Variants in EPHA3 observed in about 807,000 individuals in gnomAD.
The protein encoded by EPHA3 is EPH receptor A3, also known as ephrin type-A receptor 3.
Under a neutral mutation model 107.1 loss-of-function variants are expected in EPHA3, and 42 were observed. The ratio of observed to expected loss-of-function variants is 0.39; its 90% CI spans 0.31 to 0.51. The LOEUF (loss-of-function observed/expected upper bound fraction) is 0.51, where lower values mean the gene tolerates loss of function less well. Among genes scored for constraint, EPHA3 ranks in the 20% least tolerant of loss-of-function variants. The pLI is 0.78. For synonymous variants in EPHA3, 461 were observed against 424.8 expected, an observed-to-expected ratio of 1.09 and a Z score of -1.05; for missense variants, 1,183 against 1,211.2, an observed-to-expected ratio of 0.98 and a Z score of 0.35.
rs1707778427 is a variant in EPHA3 at position 89,350,291 on chromosome 3, T to A, written c.1306+8201T>A. On this transcript the variant is annotated intron_variant, in intron 5 of 16. Transcript: ENST00000336596. The stretch of plus-strand genomic sequence containing the variant: ...GATTTGGTCTTTTCACATAGTCCCA[T>A]ATTTCTTGGAGGCTTTGCTCATTTC... Among the ~76,000 whole-genome samples, 2 of 149,882 alleles carry A rather than the reference T, an allele frequency of 1.3e-5. 1 individual carries two copies. Among genetic ancestry groups the A allele is most frequent in the Admixed American group, 1.3e-4 (2 of 15,046 alleles).
At chr3:89,239,855 C>A (rs1704853480) in intron 3 of EPHA3, among the ~76,000 whole-genome samples, 2 of 152,132 alleles carry the variant, frequency 1.3e-5, no homozygotes, top group South Asian at 4.1e-4. Flanking sequence ...GTCTCACTGG[C>A]TGACTTGATT....
chr3:89,260,855 C>T (rs548364275), intron 3 of EPHA3, among the ~76,000 whole-genome samples: 1 of 152,212 alleles, frequency 6.6e-6, no homozygotes, highest in African/African-American at 2.4e-5. Context: ...TGAATGGCTG[C>T]TTTTTCCCAT....
intron 7 of EPHA3, among the ~76,000 whole-genome samples, chr3:89,400,820 G>T (rs767964863): frequency 2.0e-5 from 3 of 152,068 alleles, no homozygotes; most frequent in Non-Finnish European, 4.4e-5. Context: ...AAAGGAAAAA[G>T]GATATATATC....
intron 2 of EPHA3, among the ~76,000 whole-genome samples, chr3:89,140,612 C>A (rs1704411895): frequency 6.6e-6 from 1 of 151,744 alleles, no homozygotes; most frequent in Non-Finnish European, 1.5e-5. Flanking sequence ...TAGTGATTAT[C>A]TCTTGGAAAA....
At chr3:89,305,337 T>C (rs1252550555) in intron 3 of EPHA3, among the ~76,000 whole-genome samples, 1 of 152,200 alleles carries the variant, frequency 6.6e-6, no homozygotes, top group Admixed American at 6.6e-5. Context: ...TTATTTTGCA[T>C]GGCAAATCAT....
chr3:89,394,954 T>C (rs1708818373), intron 5 of EPHA3, among the ~76,000 whole-genome samples: 1 of 152,192 alleles, frequency 6.6e-6, no homozygotes, highest in Non-Finnish European at 1.5e-5. Flanking sequence ...AGTACTTTGA[T>C]GATAGTATGC....
chr3:89,210,450 C>A lies in EPHA3; in HGVS notation c.744C>A (p.Gly248=), dbSNP rs150099876. The A allele has an allele frequency of 3.7e-6, 6 of 1,608,902 alleles. No individual in the cohort carries two copies. Among genetic ancestry groups the A allele is most frequent in the Admixed American group, 1.7e-5 (1 of 59,296 alleles). Residue 248 remains glycine, a synonymous_variant, in exon 3 of 17, where the codon GGC becomes GGA. Coordinates refer to ENST00000336596, the MANE Select transcript of EPHA3 (RefSeq NM_005233.6). ...DPPRMYCSTE[G]EWLVPIGKCS... ...CAAGGATGTACTGCAGTACAGAAGGCGAATGGCTTGTACCCATTGGCAAGT... is the reference window on the plus strand; with the variant it reads ...CAAGGATGTACTGCAGTACAGAAGGAGAATGGCTTGTACCCATTGGCAAGT...
chr3:89,107,721 T>C lies in EPHA3; in HGVS notation c.-28T>C, dbSNP rs1370698714. On this transcript the variant is annotated 5_prime_UTR_variant, in exon 1 of 17. Coordinates refer to ENST00000336596, the MANE Select transcript of EPHA3 (RefSeq NM_005233.6). ...AGTGGCATGCTTCATGGAGATATGCTCCTCTCACTGCCCTCTGCACCAGCA... is the reference window on the plus strand; with the variant it reads ...AGTGGCATGCTTCATGGAGATATGCCCCTCTCACTGCCCTCTGCACCAGCA... The C allele has an allele frequency of 6.3e-7, 1 of 1,599,366 alleles. No individual in the cohort carries two copies. The highest frequency in any genetic ancestry group is 1.7e-5 in the Admixed American group (1 of 59,998).
intron 3 of EPHA3, among the ~76,000 whole-genome samples, chr3:89,339,547 C>T (rs1707470300): frequency 1.3e-5 from 2 of 152,132 alleles, no homozygotes; most frequent in South Asian, 4.2e-4. Context: ...TTAATGATTG[C>T]TATCATTTTA....
chr3:89,208,430 GA>G lies in EPHA3; in HGVS notation c.154-1427del, dbSNP rs1559600807. Among the ~76,000 whole-genome samples, 348 of 88,790 alleles carry G rather than the reference GA, an allele frequency of 3.9e-3. 3 individuals carry two copies. Among genetic ancestry groups the G allele is most frequent in the East Asian group, 0.016 (46 of 2,874 alleles). The allele number at this position is 88,790 out of a possible 152,430, so 58.2% of individuals were successfully genotyped here. A position where few individuals can be genotyped will look rare whatever the true frequency, so the allele number is the denominator to read the frequency against. ...AGGAAGGAAGGAAGGAAGGAAGAAA[GA>G]AAGAAAGAAAGAAAGAAAGAAAGAA... is the stretch of plus-strand genomic sequence containing the variant. On this transcript the variant is annotated intron_variant, in intron 2 of 16. Coordinates refer to ENST00000336596, the MANE Select transcript of EPHA3 (RefSeq NM_005233.6).
Position 89,435,628 on chromosome 3 carries a change from A to C in EPHA3, c.2346+4269A>C, listed in dbSNP as rs145497615. Among the ~76,000 whole-genome samples, 882 of 146,966 alleles carry C rather than the reference A, an allele frequency of 6.0e-3. 11 individuals carry two copies. The highest frequency in any genetic ancestry group is 0.02 in the African/African-American group (808 of 40,514). On this transcript the variant is annotated intron_variant, in intron 13 of 16. Transcript: ENST00000336596. ...TATAAATAAATTATATATGTTATAT[A>C]TAAATACTATATATATGTGTGTATA...
At chr3:89,219,242 C>A (rs1412216089) in intron 3 of EPHA3, among the ~76,000 whole-genome samples, 1 of 152,056 alleles carries the variant, frequency 6.6e-6, no homozygotes, top group Non-Finnish European at 1.5e-5. Context: ...CGGCTCACCG[C>A]AACCTCCACC....
chr3:89,198,616 G>A (rs1368378572), intron 2 of EPHA3, among the ~76,000 whole-genome samples: 1 of 152,158 alleles, frequency 6.6e-6, no homozygotes, highest in Non-Finnish European at 1.5e-5. Flanking sequence ...ACATTTCAGA[G>A]AAGTGCTCTC....
chr3:89,471,806 T>A (rs944151832), intron 15 of EPHA3, among the ~76,000 whole-genome samples: 5 of 152,142 alleles, frequency 3.3e-5, no homozygotes, highest in African/African-American at 1.2e-4. Context: ...ACATTACATA[T>A]ATAATGTATA....
rs377646259 is a variant in EPHA3 at position 89,155,437 on chromosome 3, AG to A, written c.153+28165del. Among the ~76,000 whole-genome samples the A allele has an allele frequency of 3.9e-5, 6 of 152,146 alleles. 1 individual carries two copies. Among genetic ancestry groups the A allele is most frequent in the African/African-American group, 1.2e-4 (5 of 41,550 alleles). On this transcript the variant is annotated intron_variant, in intron 2 of 16. Transcript: ENST00000336596. ...TACTGTTTCATTTAATCTTCCCAAA[AG>A]TCCATTGACATTTCAAGCATAGTAT...
intron 3 of EPHA3, among the ~76,000 whole-genome samples, chr3:89,336,087 T>G (rs1372341460): frequency 6.6e-6 from 1 of 152,202 alleles, no homozygotes; most frequent in Non-Finnish European, 1.5e-5. Flanking sequence ...TTTTCTTTGG[T>G]ATTCTCTAAT....
At chr3:89,326,481 C>G (rs1397526695) in intron 3 of EPHA3, among the ~76,000 whole-genome samples, 1 of 152,076 alleles carries the variant, frequency 6.6e-6, no homozygotes, top group East Asian at 1.9e-4. Context: ...CTTGAGTCCC[C>G]TGGTCTCAGG....
chr3:89,152,554 A>AT (rs1479119655), intron 2 of EPHA3, among the ~76,000 whole-genome samples: 2 of 152,058 alleles, frequency 1.3e-5, no homozygotes, highest in East Asian at 1.9e-4. Flanking sequence ...ACTATTATAT[A>AT]TTTTTTAAAA....
chr3:89,239,703 C>T (rs922176300), intron 3 of EPHA3, among the ~76,000 whole-genome samples: 12 of 152,082 alleles, frequency 7.9e-5, no homozygotes, highest in African/African-American at 2.9e-4. Context: ...TTGAAAAGAA[C>T]ATAATTTCTC....
Sources: allele counts gnomAD v4.1 joint callset (sites outside exome capture counted in the v4.1 genomes callset), GRCh38; gene constraint gnomAD v4.1.1; transcripts MANE v1.5; gene names NCBI Gene and HGNC (gene_info 2026-07-23, HGNC 2026-07-21).